Variants in UGT1A5 observed in about 807,000 individuals in gnomAD.
The protein encoded by UGT1A5 is UDP glucuronosyltransferase family 1 member A5.
Under a neutral mutation model 40.3 loss-of-function variants are expected in UGT1A5, and 29 were observed. The ratio of observed to expected loss-of-function variants is 0.72; its 90% CI spans 0.54 to 0.98. The LOEUF (loss-of-function observed/expected upper bound fraction) is 0.98. Among genes scored for constraint, UGT1A5 ranks in the 50% least tolerant of loss-of-function variants. The pLI, the probability that UGT1A5 is intolerant of heterozygous loss-of-function variation, is 0.00. For missense variants in UGT1A5, 678 were observed against 677.9 expected (o/e 1.00, Z 0.00); for synonymous variants, 257 against 262.5 (o/e 0.98, Z 0.20).
chr2:233,766,731 T>C (rs1699235503), intron 1 of UGT1A5, among the ~76,000 whole-genome samples: 1 of 152,174 alleles, frequency 6.6e-6, no homozygotes, highest in African/African-American at 2.4e-5. Flanking sequence ...TATCACTGTG[T>C]GTATGTACAG....
At chr2:233,747,905 T>C in intron 1 of UGT1A5, 4 of 1,613,538 alleles carry the variant, frequency 2.5e-6, no homozygotes, top group Non-Finnish European at 3.4e-6. Flanking sequence ...CTGCTCCTTA[T>C]GCAAGCCTTG....
In UGT1A5 at chr2:233,769,571, G is replaced by A. The variant is rs1223462167; in HGVS notation, c.1307+1132G>A. On this transcript the variant is annotated intron_variant, in intron 4 of 4. Coordinates refer to ENST00000373414, the MANE Select transcript of UGT1A5 (RefSeq NM_019078.2). This position sits in a 1 kb window ranked among gnomAD's most constrained non-coding sequence, Gnocchi z 4.4. ...AGGAAGACAGATGTGAAGAGCTGGAGCATGTTCAGATGAGAGGAGACGGAA... is the reference window on the plus strand; with the variant it reads ...AGGAAGACAGATGTGAAGAGCTGGAACATGTTCAGATGAGAGGAGACGGAA... 1 of 1,612,768 alleles carries A rather than the reference G, an allele frequency of 6.2e-7. No homozygotes were observed. The highest frequency in any genetic ancestry group is 1.3e-5 in the African/African-American group (1 of 74,922).
intron 3 of UGT1A5, 134 bp from the exon 4 acceptor site, chr2:233,768,086 A>C (rs1699559906): frequency 6.3e-7 from 1 of 1,591,310 alleles, no homozygotes; most frequent in Non-Finnish European, 8.6e-7. Context: ...ATCTCAACCC[A>C]CATTTTCTTC....
chr2:233,747,703 AC>A, intron 1 of UGT1A5: 1 of 1,612,262 alleles, frequency 6.2e-7, no homozygotes, highest in Non-Finnish European at 8.5e-7. Context: ...CTGGCTAAGT[AC>A]CTATCAATTC....
intron 1 of UGT1A5, chr2:233,752,367 A>G (rs1694954220): frequency 1.3e-5 from 2 of 152,220 alleles, no homozygotes; most frequent in Admixed American, 1.3e-4. Context: ...AGGGGTCTCA[A>G]GAGGGTCATC....
At chr2:233,761,124 C>G (rs1406825274) in intron 1 of UGT1A5, 1 of 1,614,202 alleles carries the variant, frequency 6.2e-7, no homozygotes. Flanking sequence ...GTGGAATCAA[C>G]TGCCTTCACC....
At chr2:233,732,716 G>A (rs2078304565) in intron 1 of UGT1A5, among the ~76,000 whole-genome samples, 1 of 148,658 alleles carries the variant, frequency 6.7e-6, no homozygotes, top group Non-Finnish European at 1.5e-5. Flanking sequence ...TAGCCTTGTA[G>A]TACAGTTTGA....
chr2:233,760,943 A>G (rs1487587152), intron 1 of UGT1A5: 1 of 1,614,220 alleles, frequency 6.2e-7, no homozygotes, highest in South Asian at 1.1e-5. Context: ...GCCTTTTCAC[A>G]GAACTTTCTG....
chr2:233,717,045 C>T (rs1187354283), intron 1 of UGT1A5, among the ~76,000 whole-genome samples: 1 of 152,150 alleles, frequency 6.6e-6, no homozygotes, highest in Non-Finnish European at 1.5e-5. Flanking sequence ...ACATGGGCCT[C>T]CGCAGGGTCT....
intron 1 of UGT1A5, chr2:233,752,529 C>A (rs570345449): frequency 1.3e-5 from 2 of 152,130 alleles, no homozygotes; most frequent in Non-Finnish European, 2.9e-5. Context: ...TCTAAAAATT[C>A]TTTAAATAAA....
chr2:233,754,803 G>T lies in UGT1A5; in HGVS notation c.868-12231G>T, dbSNP rs550413061. 8.8e-5 allele frequency: 113 copies of T among 1,279,154 alleles called. No homozygotes were observed. In the South Asian group the frequency reaches 1.3e-3, roughly 15 times the overall value. The allele number at this position is 1,279,154 out of a possible 1,614,324, so 79.2% of individuals were successfully genotyped here. On this transcript the variant is annotated intron_variant, in intron 1 of 4. Transcript: ENST00000373414. ...AAAGGAACGAAATCCTGTATCAAAAGAAGAAAAACCACCCTCAAAAGCTGG... is the reference window on the plus strand; with the variant it reads ...AAAGGAACGAAATCCTGTATCAAAATAAGAAAAACCACCCTCAAAAGCTGG...
At chr2:233,754,812 C>T in intron 1 of UGT1A5, 1 of 1,317,570 alleles carries the variant, frequency 7.6e-7, no homozygotes. Context: ...AGAAGAAAAA[C>T]CACCCTCAAA....
intron 1 of UGT1A5, among the ~76,000 whole-genome samples, chr2:233,746,098 C>T (rs530884234): frequency 6.6e-5 from 10 of 151,904 alleles, no homozygotes; most frequent in South Asian, 2.1e-4. Context: ...AGAAACATGT[C>T]CAGAGTGCTT....
Position 233,767,926 on chromosome 2 carries a change from C to T in UGT1A5, c.1077C>T (p.Asn359=). 5.6e-6 allele frequency: 9 copies of T among 1,614,196 alleles called. No homozygotes were observed. Among genetic ancestry groups the T allele is most frequent in the South Asian group, 1.1e-5 (1 of 91,082 alleles). The change falls in exon 3 of 5, where the codon AAC becomes AAT. Residue 359 remains asparagine, a synonymous_variant. Coordinates refer to ENST00000373414, the MANE Select transcript of UGT1A5 (RefSeq NM_019078.2). The part of the protein sequence containing the change: ...NTILVKWLPQ[N]DLLGHPMTRA... The stretch of plus-strand genomic sequence containing the variant: ...TACTTGTTAAGTGGCTACCCCAAAA[C>T]GATCTGCTTGGTATGTTGGGCGGAT...
At chr2:233,733,817 C>T (rs994930501) in intron 1 of UGT1A5, among the ~76,000 whole-genome samples, 1 of 152,092 alleles carries the variant, frequency 6.6e-6, no homozygotes, top group Admixed American at 6.5e-5. Flanking sequence ...ATGCTGGCCT[C>T]ATAAAATGAG....
At chr2:233,767,959 A>G in intron 3 of UGT1A5, 23 bp downstream of exon 3, 1 of 1,614,218 alleles carries the variant, frequency 6.2e-7, no homozygotes, top group Non-Finnish European at 8.5e-7. Flanking sequence ...GATTGGATGT[A>G]TAGGTCAAAC....
intron 1 of UGT1A5, among the ~76,000 whole-genome samples, chr2:233,748,826 G>A (rs1470872637): frequency 1.3e-5 from 2 of 151,398 alleles, no homozygotes; most frequent in African/African-American, 4.9e-5. Context: ...AGGGTCTAGG[G>A]AGGAGATAAA....
chr2:233,743,525 C>T (rs1559387146), intron 1 of UGT1A5: 1 of 1,367,234 alleles, frequency 7.3e-7, no homozygotes, highest in Non-Finnish European at 9.8e-7. Flanking sequence ...CTTCTGCTTC[C>T]CCAGCAGTTC....
At chr2:233,747,029 T>C (rs1693544106) in intron 1 of UGT1A5, among the ~76,000 whole-genome samples, 1 of 152,046 alleles carries the variant, frequency 6.6e-6, no homozygotes, top group Middle Eastern at 3.4e-3. Context: ...TTTCCCGAAG[T>C]GGGACCCATA....
Sources: gnomAD v4.1 joint callset for allele counts (sites outside exome capture counted in the v4.1 genomes callset) on GRCh38, gnomAD v4.1.1 for gene constraint, Gnocchi (gnomAD v3.1) non-coding constraint, MANE v1.5 for transcripts, NCBI Gene and HGNC (gene_info 2026-07-23, HGNC 2026-07-21) for gene names.